Variants in DICER1 observed in about 807,000 individuals in gnomAD.
DICER1 encodes the protein dicer 1, ribonuclease III, also known as endoribonuclease Dicer.
Under a neutral mutation model 194.1 loss-of-function variants are expected in DICER1, and 43 were observed. The observed-to-expected ratio is 0.22, with a 90% CI of 0.17 to 0.29. The LOEUF (loss-of-function observed/expected upper bound fraction) is 0.29, where lower values mean the gene tolerates loss of function less well. Ranked by LOEUF, DICER1 falls within the 10% of genes least tolerant of loss-of-function variation. The pLI is 1.00. For synonymous variants in DICER1, 832 were observed against 820.5 expected (o/e 1.01, Z -0.24); for missense variants, 1,608 against 2,317.0 (o/e 0.69, Z 6.28).
rs1293247501 is a variant in DICER1 at position 95,124,498 on chromosome 14, T to C, written c.1074A>G (p.Leu358=). Residue 358 remains leucine, a synonymous_variant, in exon 8 of 27, where the codon CTA becomes CTG. Coordinates refer to ENST00000343455, the MANE Select transcript of DICER1 (RefSeq NM_177438.3). This position sits in a 1 kb window ranked among gnomAD's most constrained non-coding sequence, Gnocchi z 4.5. ...AGGCAGGTGAGAAGTGCTCTTCACA[T>C]AGTGCATGTATTTTCCTTAGGAAAG... The part of the protein sequence containing the change: ...TDTFLRKIHA[L]CEEHFSPASL... The C allele has an allele frequency of 1.9e-6, 3 of 1,614,142 alleles. No individual in the cohort carries two copies. The highest frequency in any genetic ancestry group is 2.5e-6 in the Non-Finnish European group (3 of 1,180,024).
chr14:95,150,276 G>A (rs1895428990), intron 1 of DICER1, among the ~76,000 whole-genome samples: 1 of 152,156 alleles, frequency 6.6e-6, no homozygotes, highest in Admixed American at 6.5e-5. Flanking sequence ...TTGAGGTCAG[G>A]AGTTCGAGAC....
chr14:95,124,056 G>A lies in DICER1; in HGVS notation c.1376+140C>T, dbSNP rs1340478801. ...CTCTCTGTCAATCCCAGGACAGCATGACGTATCAGCAATGATGGCGCCAAG... is the reference window on the plus strand; with the variant it reads ...CTCTCTGTCAATCCCAGGACAGCATAACGTATCAGCAATGATGGCGCCAAG... On this transcript the variant is annotated intron_variant, in intron 8 of 26. Transcript: ENST00000343455. This position sits in a 1 kb window ranked among gnomAD's most constrained non-coding sequence, Gnocchi z 4.5. The A allele has an allele frequency of 7.5e-6, 5 of 670,312 alleles. No individual in the cohort carries two copies. Among genetic ancestry groups the A allele is most frequent in the Non-Finnish European group, 1.3e-5 (5 of 379,288 alleles). The allele number at this position is 670,312 out of a possible 1,614,324, so 41.5% of individuals were successfully genotyped here.
In DICER1 at chr14:95,089,501, G is replaced by C. The variant is rs571363127; in HGVS notation, c.*997C>G. On this transcript the variant is annotated 3_prime_UTR_variant, in exon 27 of 27. Transcript: ENST00000343455. ...GATATGTCTAAGGTTTATTTTGTTA[G>C]AGCAACAGCCTAGAAGGCAAAATTA... 194 of 232,288 alleles carry C rather than the reference G, an allele frequency of 8.4e-4. 1 individual carries two copies. Among genetic ancestry groups the C allele is most frequent in the Non-Finnish European group, 1.3e-3 (157 of 117,598 alleles). The allele number at this position is 232,288 out of a possible 1,614,324, so 14.4% of individuals were successfully genotyped here. A position where few individuals can be genotyped will look rare whatever the true frequency, so the allele number is the denominator to read the frequency against.
At chr14:95,099,148 G>A (rs1391021311) in intron 22 of DICER1, among the ~76,000 whole-genome samples, 2 of 152,162 alleles carry the variant, frequency 1.3e-5, no homozygotes, top group Non-Finnish European at 1.5e-5. Flanking sequence ...AACCACCACT[G>A]CGCTGGTTCC....
chr14:95,141,366 A>G (rs1348274434), intron 1 of DICER1, among the ~76,000 whole-genome samples: 4 of 152,244 alleles, frequency 2.6e-5, no homozygotes, highest in African/African-American at 9.6e-5. Context: ...GTGGCTCTCT[A>G]AAAGAGATTA....
At chr14:95,118,872 T>C (rs1454927935) in intron 8 of DICER1, among the ~76,000 whole-genome samples, 1 of 152,064 alleles carries the variant, frequency 6.6e-6, no homozygotes, top group Non-Finnish European at 1.5e-5. Context: ...TCTCTCTTGA[T>C]CCCAACCGGC....
chr14:95,145,809 C>G (rs1321956014), intron 1 of DICER1, among the ~76,000 whole-genome samples: 1 of 151,760 alleles, frequency 6.6e-6, no homozygotes, highest in Non-Finnish European at 1.5e-5. Context: ...TTAGTTTACC[C>G]TAACACTATG....
Position 95,152,873 on chromosome 14 carries a change from C to T in DICER1, c.-46+4357G>A, listed in dbSNP as rs541999108. Among the ~76,000 whole-genome samples, 3 of 152,254 alleles carry T rather than the reference C, an allele frequency of 2.0e-5. No homozygotes were observed. The South Asian group carries it at 6.2e-4, about 32-fold the overall frequency. ...TTTCTGTATTAATTCATCAAGTATA[C>T]ACCACGATACAACCAGTCTTACTTT... On this transcript the variant is annotated intron_variant, in intron 1 of 26. Transcript: ENST00000343455.
In DICER1 at chr14:95,131,571, T is replaced by A. The variant is rs373734886; in HGVS notation, c.376A>T (p.Asn126Tyr). 4 of 1,613,488 alleles carry A rather than the reference T, an allele frequency of 2.5e-6. No homozygotes were observed. In the Middle Eastern group the frequency reaches 6.6e-4, roughly 266 times the overall value. Reference protein sequence around the residue: ...HSDLKVGEYSNLEVNASWTKE... With the variant: ...HSDLKVGEYSYLEVNASWTKE... ...GTCCAAGATGCATTTACTTCTAGGT[T>A]TGAGTATTCCCCAACCTTGAGATCT... Residue 126 changes from asparagine to tyrosine, a missense_variant, in exon 4 of 27, where the codon AAC (asparagine) becomes TAC (tyrosine). Transcript: ENST00000343455.
intron 1 of DICER1, among the ~76,000 whole-genome samples, chr14:95,138,994 T>TAAAAAAA (rs67050539): frequency 2.1e-4 from 28 of 135,838 alleles, no homozygotes; most frequent in Non-Finnish European, 3.5e-4. Context: ...AATAAAAAAA[T>TAAAAAAA]AAAAAAAAAA....
At chr14:95,097,679 T>C (rs182910743) in intron 22 of DICER1, among the ~76,000 whole-genome samples, 28 of 152,368 alleles carry the variant, frequency 1.8e-4, no homozygotes, top group African/African-American at 4.1e-4. Context: ...TCAATGTTGA[T>C]TGTAACAACT....
At chr14:95,125,494 T>C (rs1893330174) in intron 7 of DICER1, among the ~76,000 whole-genome samples, 1 of 133,900 alleles carries the variant, frequency 7.5e-6, no homozygotes, top group African/African-American at 2.9e-5. Context: ...AACTGAGGAA[T>C]TGAGGGAGAG....
chr14:95,118,480 T>C (rs1595418875), intron 8 of DICER1, among the ~76,000 whole-genome samples: 1 of 152,270 alleles, frequency 6.6e-6, no homozygotes, highest in East Asian at 1.9e-4. Context: ...TTCCCTGTCA[T>C]GAAAGAGGAG....
At chr14:95,115,363 A>T (rs1225443414) in intron 11 of DICER1, among the ~76,000 whole-genome samples, 1 of 152,204 alleles carries the variant, frequency 6.6e-6, no homozygotes, top group African/African-American at 2.4e-5. Context: ...ATGGCACAAA[A>T]CAAAAAATTT....
At chr14:95,135,185 C>T (rs1048547318) in intron 1 of DICER1, among the ~76,000 whole-genome samples, 2 of 152,212 alleles carry the variant, frequency 1.3e-5, no homozygotes, top group African/African-American at 4.8e-5. Flanking sequence ...GATACCTCCA[C>T]AATTCTCCTT....
intron 4 of DICER1, 57 bp from the exon 5 acceptor site, chr14:95,130,249 A>C: frequency 3.9e-6 from 6 of 1,541,444 alleles, no homozygotes; most frequent in South Asian, 3.4e-5. Flanking sequence ...GGATATACTT[A>C]CATAAAATCA....
rs148795970 is a variant in DICER1 at position 95,086,716 on chromosome 14, G to A, written c.*3782C>T. The A allele has an allele frequency of 8.2e-5, 19 of 232,976 alleles. No individual in the cohort carries two copies. The East Asian group carries it at 9.1e-4, about 11-fold the overall frequency. 14.4% of individuals were successfully genotyped at this position (232,976 alleles called of 1,614,324 possible). A position where few individuals can be genotyped will look rare whatever the true frequency, so the allele number is the denominator to read the frequency against. ...AAATTTCCTAGATATTGCTATTGGCGTCTCCAACAACTTTAAAAATCATTT... is the reference window on the plus strand; with the variant it reads ...AAATTTCCTAGATATTGCTATTGGCATCTCCAACAACTTTAAAAATCATTT... On this transcript the variant is annotated 3_prime_UTR_variant, in exon 27 of 27. Transcript: ENST00000343455.
chr14:95,155,098 C>T (rs1168888334), intron 1 of DICER1, among the ~76,000 whole-genome samples: 2 of 152,196 alleles, frequency 1.3e-5, no homozygotes, highest in Non-Finnish European at 2.9e-5. Flanking sequence ...AGATTCCTAA[C>T]TTGGGGTAAT....
rs1889785983 is a variant in DICER1, at chr14:95,091,197, C to A, written c.5527+6G>T. Reference sequence around the variant, plus strand: ...TTTTTTTCTTTCTAAAGGGAGCCAACAATACCTATTAGTGGCCGCATCATG... The same window carrying A: ...TTTTTTTCTTTCTAAAGGGAGCCAAAAATACCTATTAGTGGCCGCATCATG... On this transcript the variant is annotated splice_donor_region_variant and intron_variant, in intron 25 of 26. Coordinates refer to ENST00000343455, the MANE Select transcript of DICER1 (RefSeq NM_177438.3). 1 of 1,614,052 alleles carries A rather than the reference C, an allele frequency of 6.2e-7. No individual in the cohort carries two copies. Among genetic ancestry groups the A allele is most frequent in the Non-Finnish European group, 8.5e-7 (1 of 1,179,980 alleles).
Sources: gnomAD v4.1 joint callset for allele counts (sites outside exome capture counted in the v4.1 genomes callset) on GRCh38, gnomAD v4.1.1 for gene constraint, Gnocchi (gnomAD v3.1) non-coding constraint, MANE v1.5 for transcripts, NCBI Gene and HGNC (gene_info 2026-07-23, HGNC 2026-07-21) for gene names.